The following NRXN1 variants were observed in gnomAD, a reference collection of about 807,000 sequenced individuals.
The protein encoded by NRXN1 is neurexin-1.
In NRXN1, 39 loss-of-function variants were observed where a neutral mutation model predicts 150.9. The observed-to-expected ratio is 0.26, with a 90% CI of 0.20 to 0.34. The LOEUF (loss-of-function observed/expected upper bound fraction) is 0.34, where lower values mean the gene tolerates loss of function less well. Ranked by LOEUF, NRXN1 falls within the 10% of genes least tolerant of loss-of-function variation. The pLI is 1.00. For synonymous variants in NRXN1, 924 were observed against 757.0 expected, an observed-to-expected ratio of 1.22 and a Z score of -3.62; for missense variants, 1,815 against 1,949.9, an observed-to-expected ratio of 0.93 and a Z score of 1.30.
At chr2:50,546,133 T>C (rs982961706) in intron 9 of NRXN1, among the ~76,000 whole-genome samples, 2 of 152,088 alleles carry the variant, frequency 1.3e-5, no homozygotes, top group Admixed American at 6.6e-5. Context: ...AGACTTACAA[T>C]GGGAACTAAA....
chr2:50,602,112 AT>A (rs1277566337), intron 8 of NRXN1, among the ~76,000 whole-genome samples: 1 of 152,172 alleles, frequency 6.6e-6, no homozygotes, highest in African/African-American at 2.4e-5. Flanking sequence ...TTAAGGCCTT[AT>A]GCAAAAGGCT....
intron 21 of NRXN1, among the ~76,000 whole-genome samples, chr2:49,987,285 T>C (rs1387137900): frequency 6.6e-6 from 1 of 152,110 alleles, no homozygotes; most frequent in Non-Finnish European, 1.5e-5. Flanking sequence ...TTAGTATTAT[T>C]TTGAAAATAA....
At chr2:50,306,948 G>T (rs556093977) in intron 17 of NRXN1, among the ~76,000 whole-genome samples, 1 of 152,004 alleles carries the variant, frequency 6.6e-6, no homozygotes, top group South Asian at 2.1e-4. Context: ...TAAAAATGAG[G>T]AACTGTCTGC....
At chr2:50,574,921 T>A (rs959361095) in intron 8 of NRXN1, among the ~76,000 whole-genome samples, 13 of 152,182 alleles carry the variant, frequency 8.5e-5, no homozygotes, top group Non-Finnish European at 1.8e-4. Context: ...AGACATGAAC[T>A]GCTGCGTGCA....
At chr2:50,122,034 T>C (rs1703929858) in intron 18 of NRXN1, among the ~76,000 whole-genome samples, 1 of 152,222 alleles carries the variant, frequency 6.6e-6, no homozygotes, top group Non-Finnish European at 1.5e-5. Context: ...TGCGTTTTCA[T>C]AAAAAGTCTG....
intron 21 of NRXN1, among the ~76,000 whole-genome samples, chr2:49,947,129 C>T (rs1442308255): frequency 1.3e-5 from 2 of 151,830 alleles, no homozygotes; most frequent in South Asian, 2.1e-4. Context: ...TTGTTTTTTT[C>T]CCCCCGGACC....
At chr2:50,014,518 C>T (rs370699098) in intron 21 of NRXN1, among the ~76,000 whole-genome samples, 1 of 152,124 alleles carries the variant, frequency 6.6e-6, no homozygotes, top group African/African-American at 2.4e-5. Context: ...AAAACATCCC[C>T]ACACAACCAC....
chr2:50,461,709 A>C (rs747525945), intron 17 of NRXN1, among the ~76,000 whole-genome samples: 55 of 152,148 alleles, frequency 3.6e-4, no homozygotes, highest in Non-Finnish European at 6.5e-4. Flanking sequence ...TACACCATAC[A>C]ATGTAGTCCA....
intron 18 of NRXN1, among the ~76,000 whole-genome samples, chr2:50,168,309 C>G (rs1451889850): frequency 2.0e-5 from 3 of 152,144 alleles, no homozygotes; most frequent in Non-Finnish European, 4.4e-5. Flanking sequence ...CAATAATTTA[C>G]CTACATTTTA....
intron 8 of NRXN1, among the ~76,000 whole-genome samples, chr2:50,566,325 C>T (rs1442899147): frequency 6.6e-6 from 1 of 152,096 alleles, no homozygotes; most frequent in Non-Finnish European, 1.5e-5. Flanking sequence ...CTCACTGCAA[C>T]CTCCGCTGCC....
chr2:50,212,632 T>C (rs1384865830), intron 18 of NRXN1, among the ~76,000 whole-genome samples: 1 of 151,842 alleles, frequency 6.6e-6, no homozygotes, highest in Admixed American at 6.6e-5. Flanking sequence ...GTTTGGGACA[T>C]TACAGTTCCT....
chr2:50,376,763 G>C (rs2080529137), intron 17 of NRXN1, among the ~76,000 whole-genome samples: 1 of 151,980 alleles, frequency 6.6e-6, no homozygotes, highest in Non-Finnish European at 1.5e-5. Flanking sequence ...GTCAGAGCTA[G>C]GATAAAGAAT....
At chr2:50,122,598 G>A (rs1380588671) in intron 18 of NRXN1, among the ~76,000 whole-genome samples, 1 of 152,188 alleles carries the variant, frequency 6.6e-6, no homozygotes, top group African/African-American at 2.4e-5. Context: ...GAAGAAGTGT[G>A]CATAGAAACA....
At chr2:50,762,260 G>A (rs1460278105) in intron 5 of NRXN1, among the ~76,000 whole-genome samples, 2 of 151,808 alleles carry the variant, frequency 1.3e-5, no homozygotes, top group Non-Finnish European at 1.5e-5. Context: ...TCCCATGTCA[G>A]TCTCTTGAGT....
chr2:50,190,510 T>C (rs1459075350), intron 18 of NRXN1, among the ~76,000 whole-genome samples: 4 of 152,154 alleles, frequency 2.6e-5, no homozygotes, highest in Non-Finnish European at 4.4e-5. Flanking sequence ...GATAGCTTAA[T>C]GATCTTTAAA....
At chr2:50,079,798 T>G (rs185113713) in intron 19 of NRXN1, among the ~76,000 whole-genome samples, 24 of 152,234 alleles carry the variant, frequency 1.6e-4, no homozygotes, top group Non-Finnish European at 2.4e-4. Context: ...ATTGTCCTCT[T>G]GCATGATATG....
chr2:50,529,671 C>T (rs1004647369), intron 11 of NRXN1, among the ~76,000 whole-genome samples: 1 of 152,160 alleles, frequency 6.6e-6, no homozygotes, highest in Non-Finnish European at 1.5e-5. Context: ...CAAGGACCAG[C>T]ACCTACACAC....
chr2:50,896,673 G>A (rs1304346161), intron 5 of NRXN1, among the ~76,000 whole-genome samples: 3 of 151,832 alleles, frequency 2.0e-5, no homozygotes, highest in Non-Finnish European at 4.4e-5. Context: ...ATGGCGAAAC[G>A]CTGTCTCTAC....
rs1170760082 is a variant in NRXN1 at position 49,943,789 on chromosome 2, G to C, written c.4131C>G (p.Thr1377=). The C allele has an allele frequency of 6.2e-7, 1 of 1,607,812 alleles. No homozygotes were observed. The highest frequency in any genetic ancestry group is 1.7e-5 in the Admixed American group (1 of 59,536). Residue 1377 remains threonine (T), a splice_region_variant and synonymous_variant, in exon 22 of 23, where the codon ACC becomes ACG. Coordinates refer to ENST00000401669, the MANE Select transcript of NRXN1 (RefSeq NM_001330078.2). ...CTGAGGCCACAAGGATGTCATCTGT[G>C]GTCTGCAAAAGAATCACATTCAGTA... The part of the protein sequence containing the change: ...KPPTKEPISQ[T]TDDILVASAE...
Sources: gnomAD v4.1 joint callset for allele counts (sites outside exome capture counted in the v4.1 genomes callset) on GRCh38, gnomAD v4.1.1 for gene constraint, MANE v1.5 for transcripts, NCBI Gene and HGNC (gene_info 2026-07-23, HGNC 2026-07-21) for gene names.